The following PCDHGA7 variants were observed in gnomAD, a reference collection of about 807,000 sequenced individuals.
PCDHGA7 encodes the protein protocadherin gamma subfamily A, 7.
A neutral mutation model predicts 58.3 loss-of-function variants in PCDHGA7; 44 were observed. That is an observed-to-expected ratio of 0.75 (90% confidence interval 0.59 to 0.97). PCDHGA7 has a LOEUF of 0.97. PCDHGA7 is among the 50% of genes least tolerant of loss of function. The probability of loss-of-function intolerance (pLI) is 0.00; values close to 1 mark genes in which losing one functional copy is unlikely to be tolerated. For synonymous variants in PCDHGA7, 516 were observed against 504.2 expected, an observed-to-expected ratio of 1.02 and a Z score of -0.31; for missense variants, 1,266 against 1,188.7, an observed-to-expected ratio of 1.06 and a Z score of -0.96.
Position 141,431,451 on chromosome 5 carries a change from T to C in PCDHGA7, c.2424+46128T>C. On this transcript the variant is annotated intron_variant, in intron 1 of 3. Transcript: ENST00000518325. The surrounding 1 kb of genome is among the most constrained non-coding windows in gnomAD (Gnocchi z 4.8). ...ACAGGCACCGCGCGCATCCGCGTGA[T>C]GGTTCTGGATGCGAACGACAACGCA... The C allele has an allele frequency of 6.2e-7, 1 of 1,613,762 alleles. No individual in the cohort carries two copies. Among genetic ancestry groups the C allele is most frequent in the African/African-American group, 1.3e-5 (1 of 75,072 alleles).
At position 141,491,894 on chromosome 5, in the gene PCDHGA7, C is replaced by T. The variant is rs1209251388; in HGVS notation, c.2425-2913C>T. The T allele has an allele frequency of 1.5e-5, 22 of 1,434,752 alleles. No individual in the cohort carries two copies. Among genetic ancestry groups the T allele is most frequent in the Admixed American group, 2.9e-5 (1 of 34,278 alleles). 88.9% of individuals were successfully genotyped at this position (1,434,752 alleles called of 1,614,324 possible). The stretch of plus-strand genomic sequence containing the variant: ...GCCGATTAAGGGATGGGGCTCCGAG[C>T]ACCGGGGGTGGTGGCGACTGTGGGC... On this transcript the variant is annotated intron_variant, in intron 1 of 3. Transcript: ENST00000518325. The surrounding 1 kb of genome is among the most constrained non-coding windows in gnomAD (Gnocchi z 6.9).
chr5:141,506,444 CAAAAA>C (rs1219684339), intron 3 of PCDHGA7, among the ~76,000 whole-genome samples: 4 of 95,024 alleles, frequency 4.2e-5, no homozygotes, highest in Admixed American at 1.1e-4. Flanking sequence ...CGCTCTGTCT[CAAAAA>C]AAAAAAAAAA....
chr5:141,454,097 C>T (rs1021353610), intron 1 of PCDHGA7, among the ~76,000 whole-genome samples: 10 of 152,292 alleles, frequency 6.6e-5, no homozygotes, highest in Middle Eastern at 3.4e-3. Flanking sequence ...TTGAATTGAA[C>T]ATAAATGGAG....
At chr5:141,454,665 CA>C (rs2098795764) in intron 1 of PCDHGA7, among the ~76,000 whole-genome samples, 3 of 152,058 alleles carry the variant, frequency 2.0e-5, no homozygotes, top group Non-Finnish European at 4.4e-5. Flanking sequence ...CTCGGCCTCC[CA>C]AAACACTGGG....
At chr5:141,395,807 A>G (rs1561656089) in intron 1 of PCDHGA7, 1 of 152,004 alleles carries the variant, frequency 6.6e-6, no homozygotes, top group Non-Finnish European at 1.5e-5. Context: ...ATCCTTCAAA[A>G]CATGAACAAA....
At chr5:141,478,395 T>C in intron 1 of PCDHGA7, 1 of 1,613,510 alleles carries the variant, frequency 6.2e-7, no homozygotes, top group Non-Finnish European at 8.5e-7. Flanking sequence ...TACCATCAGG[T>C]GTATCTCACC....
At position 141,384,864 on chromosome 5, in the gene PCDHGA7, A is replaced by G. The variant is rs202180798; in HGVS notation, c.1965A>G (p.Ser655=). The G allele has an allele frequency of 1.9e-6, 3 of 1,613,702 alleles. No individual in the cohort carries two copies. The highest frequency in any genetic ancestry group is 2.5e-6 in the Non-Finnish European group (3 of 1,179,922). The change falls in exon 1 of 4, where the codon TCA becomes TCG. Residue 655 remains serine (S), a synonymous_variant. Transcript: ENST00000518325. ...AGGACCACGGTCAGCCTCCTCTGTC[A>G]GCCACCGTCACACTCACCGTGGCTG... The part of the protein sequence containing the change: ...AVQDHGQPPL[S]ATVTLTVAVA...
chr5:141,415,210 C>G lies in PCDHGA7; in HGVS notation c.2424+29887C>G, dbSNP rs2095843973. The G allele has an allele frequency of 2.5e-6, 4 of 1,614,068 alleles. No individual in the cohort carries two copies. The highest frequency in any genetic ancestry group is 1.6e-4 in the Middle Eastern group (1 of 6,062). ...CAGCATCCCCCAAGTCCTGGCGGAC[C>G]TCGGCAGCTTCGAGTCTCCAGCTAA... is the stretch of plus-strand genomic sequence containing the variant. On this transcript the variant is annotated intron_variant, in intron 1 of 3. Coordinates refer to ENST00000518325, the MANE Select transcript of PCDHGA7 (RefSeq NM_018920.4).
intron 3 of PCDHGA7, among the ~76,000 whole-genome samples, chr5:141,509,532 A>C (rs2099877210): frequency 6.6e-6 from 1 of 152,124 alleles, no homozygotes; most frequent in African/African-American, 2.4e-5. Flanking sequence ...GCACAGGATG[A>C]AGCACCATCT....
intron 2 of PCDHGA7, among the ~76,000 whole-genome samples, chr5:141,501,761 G>C (rs906778888): frequency 2.6e-5 from 4 of 152,090 alleles, no homozygotes; most frequent in African/African-American, 4.8e-5. Flanking sequence ...CTCAGTAAAT[G>C]GTTAAAAAAG....
chr5:141,470,037 G>A lies in PCDHGA7; in HGVS notation c.2425-24770G>A, dbSNP rs76537989. Among the ~76,000 whole-genome samples the A allele has an allele frequency of 2.3e-3, 347 of 152,258 alleles. 6 individuals are homozygous for A. The East Asian group carries it at 0.048, about 21-fold the overall frequency. On this transcript the variant is annotated intron_variant, in intron 1 of 3. Transcript: ENST00000518325. ...CCAGCTACTCGGGATGCTGAGGCGC[G>A]AGAACTGTTTGAACCCCGGAGGCAG...
intron 1 of PCDHGA7, chr5:141,428,221 G>A (rs1314522513): frequency 5.9e-6 from 7 of 1,177,278 alleles, no homozygotes; most frequent in Non-Finnish European, 8.6e-6. Context: ...CCTAGTCTTC[G>A]CAGACAGCCT....
chr5:141,452,791 C>T (rs1202677389), intron 1 of PCDHGA7, among the ~76,000 whole-genome samples: 2 of 152,156 alleles, frequency 1.3e-5, no homozygotes, highest in Non-Finnish European at 2.9e-5. Context: ...AACATACCAT[C>T]ATTTTTGCTG....
At position 141,511,036 on chromosome 5, in the gene PCDHGA7, G is replaced by A. The variant is rs116366286; in HGVS notation, c.2662G>A (p.Val888Met). ...CGGACCCCAGTTCACCCTGCAGCAC[G>A]TGCCCGACTACCGCCAGAATGTCTA... is the stretch of plus-strand genomic sequence containing the variant. ...RYGPQFTLQH[V>M]PDYRQNVYIP... is the part of the protein sequence containing the mutation. Residue 888 changes from valine to methionine, a missense_variant, in exon 4 of 4, where the codon GTG becomes ATG. Physicochemically the swap from Val to Met is conservative, Grantham distance 21. Transcript: ENST00000518325. 5.5e-5 allele frequency: 89 copies of A among 1,614,198 alleles called. No individual in the cohort carries two copies. The highest frequency in any genetic ancestry group is 1.6e-4 in the Middle Eastern group (1 of 6,062).
At chr5:141,387,848 C>T (rs746271589) in intron 1 of PCDHGA7, 1 of 1,597,460 alleles carries the variant, frequency 6.3e-7, no homozygotes, top group South Asian at 1.1e-5. Flanking sequence ...AACCCGGCGT[C>T]TCCAGGCTGG....
chr5:141,444,035 T>C (rs928920813), intron 1 of PCDHGA7, among the ~76,000 whole-genome samples: 1 of 151,694 alleles, frequency 6.6e-6, no homozygotes, highest in Non-Finnish European at 1.5e-5. Context: ...ATTCAGTAAA[T>C]CAGATAATTT....
intron 1 of PCDHGA7, among the ~76,000 whole-genome samples, chr5:141,450,315 G>A (rs1319432573): frequency 1.3e-5 from 2 of 151,918 alleles, no homozygotes; most frequent in African/African-American, 4.8e-5. Context: ...GTGTGGCCTA[G>A]TTGCCATGTC....
chr5:141,505,679 G>A (rs1350871637), intron 3 of PCDHGA7, among the ~76,000 whole-genome samples, 198 bp downstream of exon 3: 24 of 152,172 alleles, frequency 1.6e-4, no homozygotes, highest in Non-Finnish European at 3.5e-4. Flanking sequence ...TGGGGGTCCT[G>A]GGATGCCTGG....
At chr5:141,385,662 A>G (rs2090316045) in intron 1 of PCDHGA7, 11 of 492,642 alleles carry the variant, frequency 2.2e-5, no homozygotes, top group Non-Finnish European at 2.8e-5. Context: ...GTTAGCAGGA[A>G]TAAAACACAC....
Sources: gnomAD v4.1 joint callset for allele counts (sites outside exome capture counted in the v4.1 genomes callset) on GRCh38, gnomAD v4.1.1 for gene constraint, Gnocchi (gnomAD v3.1) non-coding constraint, MANE v1.5 for transcripts, NCBI Gene and HGNC (gene_info 2026-07-23, HGNC 2026-07-21) for gene names.